ROBO2: variants seen among roughly 807,000 people sequenced by gnomAD.
The protein encoded by ROBO2 is roundabout homolog 2.
In ROBO2, 53 loss-of-function variants were observed where a neutral mutation model predicts 160.8. The observed-to-expected ratio is 0.33, with a 90% CI of 0.26 to 0.41. ROBO2 has a LOEUF of 0.41. Ranked by LOEUF, ROBO2 falls within the 10% of genes least tolerant of loss-of-function variation. ROBO2 has a pLI of 1.00. For synonymous variants in ROBO2, 664 were observed against 611.7 expected (o/e 1.09, Z -1.26); for missense variants, 1,577 against 1,722.4 (o/e 0.92, Z 1.49).
intron 2 of ROBO2, among the ~76,000 whole-genome samples, chr3:77,456,478 G>T (rs984840577): frequency 6.6e-5 from 10 of 152,174 alleles, no homozygotes; most frequent in Non-Finnish European, 1.5e-4. Context: ...CAGTGTGCTG[G>T]ATTTTGTGTG....
At chr3:77,547,645 A>C (rs1399467956) in intron 7 of ROBO2, among the ~76,000 whole-genome samples, 1 of 152,050 alleles carries the variant, frequency 6.6e-6, no homozygotes, top group Non-Finnish European at 1.5e-5. Flanking sequence ...CAGTTCTAAC[A>C]GCTCAGTCTG....
chr3:77,498,846 A>T (rs2153605137), intron 5 of ROBO2, among the ~76,000 whole-genome samples: 1 of 152,320 alleles, frequency 6.6e-6, no homozygotes, highest in Admixed American at 6.5e-5. Context: ...CACACTGATT[A>T]GGTTGGCTGG....
chr3:77,499,702 G>A (rs903367710), intron 5 of ROBO2, among the ~76,000 whole-genome samples: 7 of 145,170 alleles, frequency 4.8e-5, no homozygotes, highest in African/African-American at 1.8e-4. Context: ...ATGCTGGAGT[G>A]CAGTGGCACG....
intron 2 of ROBO2, among the ~76,000 whole-genome samples, chr3:76,583,108 T>C (rs1243294611): frequency 6.6e-6 from 1 of 152,044 alleles, no homozygotes; most frequent in Non-Finnish European, 1.5e-5. Flanking sequence ...AACCAAGTTT[T>C]GGTCCCTGGA....
intron 2 of ROBO2, among the ~76,000 whole-genome samples, chr3:76,948,221 C>A (rs574819113): frequency 3.2e-4 from 49 of 152,150 alleles, no homozygotes; most frequent in Non-Finnish European, 5.0e-4. Flanking sequence ...TATTTTCTCT[C>A]TTGCAATTAT....
Position 77,226,448 on chromosome 3 carries a change from A to T in ROBO2, c.388+128108A>T, listed in dbSNP as rs991128058. The stretch of plus-strand genomic sequence containing the variant: ...CTGCTATTCCTCCACTCTTCATTAC[A>T]CCTACATGGCTTAGAGTTGCTGGTA... On this transcript the variant is annotated intron_variant, in intron 2 of 25. Transcript: ENST00000461745. Among the ~76,000 whole-genome samples, 19 of 151,828 alleles carry T rather than the reference A, an allele frequency of 1.3e-4. 1 individual carries two copies. Among genetic ancestry groups the T allele is most frequent in the Non-Finnish European group, 5.9e-5 (4 of 67,914 alleles).
intron 2 of ROBO2, among the ~76,000 whole-genome samples, chr3:76,834,039 C>CTTTCTTTCTTTCTTT (rs1559574511): frequency 1.2e-4 from 2 of 17,068 alleles, no homozygotes; most frequent in Non-Finnish European, 1.6e-4. Flanking sequence ...TTCTTTCTTT[C>CTTTCTTTCTTTCTTT]CTTTCTTTCT....
chr3:77,371,828 C>T (rs1239434948), intron 2 of ROBO2, among the ~76,000 whole-genome samples: 1 of 152,206 alleles, frequency 6.6e-6, no homozygotes, highest in African/African-American at 2.4e-5. Flanking sequence ...TAAACACTTT[C>T]ATTCATCATT....
chr3:76,049,153 G>A (rs2067558323), intron 2 of ROBO2, among the ~76,000 whole-genome samples: 1 of 151,966 alleles, frequency 6.6e-6, no homozygotes, highest in Admixed American at 6.6e-5. Flanking sequence ...TAGCTAGGTG[G>A]TGTGTGTAAG....
chr3:76,319,532 C>T (rs534374706), intron 2 of ROBO2, among the ~76,000 whole-genome samples: 8 of 151,832 alleles, frequency 5.3e-5, no homozygotes, highest in African/African-American at 1.9e-4. Flanking sequence ...CAAAATTATA[C>T]TAAAGTTGCA....
chr3:76,615,976 T>C (rs558265461), intron 2 of ROBO2, among the ~76,000 whole-genome samples: 2 of 152,186 alleles, frequency 1.3e-5, no homozygotes, highest in African/African-American at 2.4e-5. Context: ...GAGTCCTACA[T>C]AGTTCAGACC....
Position 76,358,329 on chromosome 3 carries a change from G to A in ROBO2, c.109+420727G>A, listed in dbSNP as rs544755344. Among the ~76,000 whole-genome samples the A allele has an allele frequency of 4.9e-4, 75 of 152,034 alleles. 1 individual carries two copies. The South Asian group carries it at 0.014, about 29-fold the overall frequency. On this transcript the variant is annotated intron_variant, in intron 2 of 26. Coordinates refer to the ROBO2 transcript ENST00000487694. ...ATTCTCCCACATATTAAAGTGTACA[G>A]TACTGGGAATCTATTTTCTCTCTTT...
rs73840951 is a variant in ROBO2 at position 76,401,828 on chromosome 3, C to T, written c.109+464226C>T. On this transcript the variant is annotated intron_variant, in intron 2 of 26. Transcript: ENST00000487694. ...TTTGTCATGTCCTAAGGTATCAGAA[C>T]AAGCTGATGAAATATTTTACATGTT... Among the ~76,000 whole-genome samples, 596 of 151,330 alleles carry T rather than the reference C, an allele frequency of 3.9e-3. 6 individuals are homozygous for T. The highest frequency in any genetic ancestry group is 0.014 in the African/African-American group (560 of 41,394).
chr3:77,603,300 C>A (rs1356714502), intron 20 of ROBO2, among the ~76,000 whole-genome samples: 2 of 151,962 alleles, frequency 1.3e-5, no homozygotes, highest in African/African-American at 4.8e-5. Flanking sequence ...TGCCATTCTA[C>A]TAAATACTAT....
At chr3:76,828,484 G>A (rs1338775226) in intron 2 of ROBO2, among the ~76,000 whole-genome samples, 1 of 152,068 alleles carries the variant, frequency 6.6e-6, no homozygotes, top group African/African-American at 2.4e-5. Context: ...GTACAGTATG[G>A]AAAGAGAGTG....
chr3:77,590,627 TTGAC>T (rs1276684799), intron 17 of ROBO2, among the ~76,000 whole-genome samples: 4 of 152,162 alleles, frequency 2.6e-5, no homozygotes, highest in Admixed American at 6.6e-5. Context: ...TAATAAAAAA[TTGAC>T]TGTGCTGGTC....
intron 2 of ROBO2, among the ~76,000 whole-genome samples, chr3:77,139,820 C>T (rs1560093401): frequency 6.6e-6 from 1 of 152,140 alleles, no homozygotes. Context: ...CTTTGCTTCC[C>T]CTCATTTTGA....
intron 2 of ROBO2, among the ~76,000 whole-genome samples, chr3:76,212,106 G>T: frequency 6.6e-6 from 1 of 151,904 alleles, no homozygotes; most frequent in East Asian, 1.9e-4. Flanking sequence ...ATTCAATTAT[G>T]TATGTTCTTT....
chr3:77,105,979 C>G (rs946335115), intron 2 of ROBO2, among the ~76,000 whole-genome samples: 9 of 151,972 alleles, frequency 5.9e-5, no homozygotes, highest in Non-Finnish European at 1.2e-4. Context: ...TCCCAGAAAC[C>G]CTTTTCATAT....
Sources: allele counts gnomAD v4.1 joint callset (sites outside exome capture counted in the v4.1 genomes callset), GRCh38; gene constraint gnomAD v4.1.1; transcripts MANE v1.5; gene names NCBI Gene and HGNC (gene_info 2026-07-23, HGNC 2026-07-21).